TP63: variants seen among roughly 807,000 people sequenced by gnomAD.
The protein encoded by TP63 is tumor protein p63.
Under a neutral mutation model 82.8 loss-of-function variants are expected in TP63, and 17 were observed. The ratio of observed to expected loss-of-function variants is 0.21; its 90% CI spans 0.14 to 0.31. TP63 has a LOEUF of 0.31. Ranked by LOEUF, TP63 falls within the 10% of genes least tolerant of loss-of-function variation. The pLI, the probability that TP63 is intolerant of heterozygous loss-of-function variation, is 1.00. For missense variants in TP63, 648 were observed against 895.3 expected, an observed-to-expected ratio of 0.72 and a Z score of 3.52; for synonymous variants, 330 against 321.7, an observed-to-expected ratio of 1.03 and a Z score of -0.28.
At chr3:189,773,348 C>A (rs1723515868) in intron 3 of TP63, among the ~76,000 whole-genome samples, 1 of 152,184 alleles carries the variant, frequency 6.6e-6, no homozygotes, top group African/African-American at 2.4e-5. Context: ...AGTCCTTAGA[C>A]AGTAAATCTT....
At position 189,890,685 on chromosome 3, in the gene TP63, C is replaced by T. The variant is rs917946385; in HGVS notation, c.1653-104C>T. On this transcript the variant is annotated intron_variant, in intron 12 of 13. Transcript: ENST00000264731. ...CCCAATCCTCATCTCTGATGTGGGG[C>T]ATCCAAGGGCAAAATATATTGGGTT... 4 of 956,014 alleles carry T rather than the reference C, an allele frequency of 4.2e-6. No individual in the cohort carries two copies. In the East Asian group the frequency reaches 7.6e-5, roughly 18 times the overall value. The allele number at this position is 956,014 out of a possible 1,614,324, so 59.2% of individuals were successfully genotyped here.
chr3:189,716,938 AC>A (rs1336279137), intron 1 of TP63, among the ~76,000 whole-genome samples: 3 of 152,058 alleles, frequency 2.0e-5, no homozygotes, highest in African/African-American at 7.2e-5. Context: ...AGCTGGGACT[AC>A]AGGCGATTGC....
intron 10 of TP63, among the ~76,000 whole-genome samples, chr3:189,883,257 C>T (rs55654591): frequency 6.6e-6 from 1 of 151,894 alleles, no homozygotes; most frequent in East Asian, 1.9e-4. Flanking sequence ...CCTTTTTCAC[C>T]GTATGTAGTT....
chr3:189,734,048 TTC>T (rs894720758), intron 1 of TP63, among the ~76,000 whole-genome samples: 7 of 151,892 alleles, frequency 4.6e-5, no homozygotes, highest in African/African-American at 1.2e-4. Context: ...TTCTTTTTCT[TTC>T]TCTCTTTCTT....
At chr3:189,633,766 A>C (rs762123449) in intron 1 of TP63, among the ~76,000 whole-genome samples, 10 of 152,120 alleles carry the variant, frequency 6.6e-5, no homozygotes, top group Non-Finnish European at 1.3e-4. Context: ...TCTCATTTGT[A>C]ATGCAAGCTT....
chr3:189,650,450 TGAA>T (rs1712792545), intron 1 of TP63, among the ~76,000 whole-genome samples: 3 of 146,862 alleles, frequency 2.0e-5, no homozygotes, highest in Non-Finnish European at 4.5e-5. Context: ...TGTTATGAGA[TGAA>T]CCAGGTGGAG....
intron 4 of TP63, among the ~76,000 whole-genome samples, chr3:189,854,010 C>T (rs1472457264): frequency 2.0e-5 from 3 of 152,174 alleles, no homozygotes; most frequent in Non-Finnish European, 4.4e-5. Flanking sequence ...CCATCCTAGG[C>T]AGCATGGATA....
chr3:189,783,941 A>T (rs1244617248), intron 3 of TP63, among the ~76,000 whole-genome samples: 2 of 151,924 alleles, frequency 1.3e-5, no homozygotes, highest in Non-Finnish European at 2.9e-5. Flanking sequence ...TTGTAGGAGT[A>T]CTTAACAGGG....
chr3:189,722,026 T>C (rs1258904754), intron 1 of TP63, among the ~76,000 whole-genome samples: 2 of 152,118 alleles, frequency 1.3e-5, no homozygotes, highest in Non-Finnish European at 2.9e-5. Context: ...GAAGGATGGA[T>C]TGGAGAGATC....
chr3:189,850,107 C>T (rs530270070), intron 4 of TP63, among the ~76,000 whole-genome samples: 14 of 152,110 alleles, frequency 9.2e-5, no homozygotes, highest in African/African-American at 1.4e-4. Context: ...CATGGCAGAA[C>T]GCTGTCTCTA....
intron 3 of TP63, among the ~76,000 whole-genome samples, chr3:189,775,523 A>G (rs1723728746): frequency 6.6e-6 from 1 of 152,056 alleles, no homozygotes; most frequent in Admixed American, 6.6e-5. Context: ...TTGTCTTTCT[A>G]TTTGATTGCG....
intron 1 of TP63, among the ~76,000 whole-genome samples, chr3:189,651,732 C>T (rs1011459898): frequency 6.8e-6 from 1 of 146,012 alleles, no homozygotes; most frequent in Non-Finnish European, 1.5e-5. Context: ...GGCTGGGAGG[C>T]CTAGGAGGGA....
At chr3:189,659,197 C>A (rs1357706907) in intron 1 of TP63, among the ~76,000 whole-genome samples, 1 of 151,898 alleles carries the variant, frequency 6.6e-6, no homozygotes, top group Non-Finnish European at 1.5e-5. Context: ...TTTTTCAACC[C>A]TTGCCCCATC....
At chr3:189,732,260 C>G (rs1720225939) in intron 1 of TP63, among the ~76,000 whole-genome samples, 1 of 152,102 alleles carries the variant, frequency 6.6e-6, no homozygotes, top group Non-Finnish European at 1.5e-5. Context: ...TTCCAACTCC[C>G]CTCCACCACC....
At chr3:189,778,852 T>C (rs1333529950) in intron 3 of TP63, among the ~76,000 whole-genome samples, 2 of 152,190 alleles carry the variant, frequency 1.3e-5, no homozygotes, top group African/African-American at 4.8e-5. Flanking sequence ...ATCAAAGAAA[T>C]ACTTAAAGAA....
At chr3:189,636,251 A>G (rs1173660410) in intron 1 of TP63, among the ~76,000 whole-genome samples, 2 of 152,180 alleles carry the variant, frequency 1.3e-5, no homozygotes, top group African/African-American at 2.4e-5. Flanking sequence ...AATAGCAGAG[A>G]GTCATCTTAG....
chr3:189,719,597 C>T (rs957132017), intron 1 of TP63, among the ~76,000 whole-genome samples: 4 of 152,146 alleles, frequency 2.6e-5, no homozygotes, highest in African/African-American at 9.7e-5. Context: ...GCTTTGCAGG[C>T]CATGCGGTCT....
intron 1 of TP63, among the ~76,000 whole-genome samples, chr3:189,705,713 C>T (rs966983279): frequency 6.6e-6 from 1 of 152,016 alleles, no homozygotes; most frequent in South Asian, 2.1e-4. Context: ...TTTCAAGAAC[C>T]TTGATAAAGA....
chr3:189,871,908 A>C (rs181040452), intron 9 of TP63, among the ~76,000 whole-genome samples: 236 of 152,152 alleles, frequency 1.6e-3, no homozygotes, highest in Non-Finnish European at 2.5e-3. Context: ...TTTTGTAGAG[A>C]AGGAGTTTTT....
Sources: allele counts gnomAD v4.1 joint callset (sites outside exome capture counted in the v4.1 genomes callset), GRCh38; gene constraint gnomAD v4.1.1; transcripts MANE v1.5; gene names NCBI Gene and HGNC (gene_info 2026-07-23, HGNC 2026-07-21).